The following DNM3 variants were observed in gnomAD, a reference collection of about 807,000 sequenced individuals.
DNM3 encodes the protein dynamin 3.
Under a neutral mutation model 101.6 loss-of-function variants are expected in DNM3, and 47 were observed. The observed-to-expected ratio is 0.46, with a 90% CI of 0.37 to 0.59. The LOEUF is 0.59. DNM3 is among the 20% of genes least tolerant of loss of function. DNM3 has a pLI of 0.00. For synonymous variants in DNM3, 385 were observed against 387.9 expected, an observed-to-expected ratio of 0.99 and a Z score of 0.09; for missense variants, 849 against 1,085.7, an observed-to-expected ratio of 0.78 and a Z score of 3.06.
At chr1:171,871,943 ATT>A (rs66674481) in intron 1 of DNM3, among the ~76,000 whole-genome samples, 105 of 141,794 alleles carry the variant, frequency 7.4e-4, no homozygotes, top group African/African-American at 2.1e-3. Flanking sequence ...AGAGGTAGTA[ATT>A]TTTTTTTTTT....
At chr1:172,141,470 G>T (rs1327570489) in intron 14 of DNM3, among the ~76,000 whole-genome samples, 1 of 152,074 alleles carries the variant, frequency 6.6e-6, no homozygotes, top group Non-Finnish European at 1.5e-5. Context: ...TGTTTATAAA[G>T]AGCAGATCCC....
At chr1:172,384,226 G>A (rs554587479) in intron 18 of DNM3, among the ~76,000 whole-genome samples, 6 of 152,198 alleles carry the variant, frequency 3.9e-5, no homozygotes, top group Admixed American at 3.3e-4. Flanking sequence ...TTGCTTAAAT[G>A]CAAAATAAAA....
chr1:171,867,893 A>G (rs982539235), intron 1 of DNM3, among the ~76,000 whole-genome samples: 1 of 152,180 alleles, frequency 6.6e-6, no homozygotes, highest in African/African-American at 2.4e-5. Context: ...ATATACAGCT[A>G]AGAAAGAAAA....
chr1:172,276,557 A>ATGTGTGTGTGTGTGTGTGTGTGTG (rs60837783), intron 15 of DNM3, among the ~76,000 whole-genome samples: 14 of 144,366 alleles, frequency 9.7e-5, no homozygotes, highest in African/African-American at 3.3e-4. Flanking sequence ...AAAAATCTTA[A>ATGTGTGTGTGTGTGTGTGTGTGTG]TGTGTGTGTG....
intron 2 of DNM3, among the ~76,000 whole-genome samples, chr1:171,952,249 A>G (rs1269904623): frequency 6.6e-6 from 1 of 152,220 alleles, no homozygotes; most frequent in Non-Finnish European, 1.5e-5. Context: ...ATTATCTGCA[A>G]ATGCAAACTT....
At chr1:172,244,733 A>T (rs576076347) in intron 14 of DNM3, among the ~76,000 whole-genome samples, 32 of 152,264 alleles carry the variant, frequency 2.1e-4, no homozygotes, top group African/African-American at 7.5e-4. Flanking sequence ...GTGGAGAAAT[A>T]GGAACACTTT....
rs572721614 is a variant in DNM3 at position 171,955,493 on chromosome 1, G to C, written c.236-32163G>C. Among the ~76,000 whole-genome samples the C allele has an allele frequency of 2.6e-5, 4 of 152,256 alleles. No homozygotes were observed. The South Asian group carries it at 8.3e-4, about 32-fold the overall frequency. The stretch of plus-strand genomic sequence containing the variant: ...ATAGTTTTGGCCCATAGACCAGAAG[G>C]GGAGTCAAAGACTTAAATGGTACAA... On this transcript the variant is annotated intron_variant, in intron 2 of 20. Transcript: ENST00000627582.
At chr1:172,000,506 AG>A (rs1465064616) in intron 4 of DNM3, among the ~76,000 whole-genome samples, 1 of 152,108 alleles carries the variant, frequency 6.6e-6, no homozygotes, top group Non-Finnish European at 1.5e-5. Context: ...GGAGCCAGGA[AG>A]ATGCTGAGAA....
intron 14 of DNM3, among the ~76,000 whole-genome samples, chr1:172,166,736 A>ATT (rs11407187): frequency 4.0e-5 from 6 of 151,752 alleles, no homozygotes; most frequent in South Asian, 4.2e-4. Context: ...TTTTAATCTC[A>ATT]TTTTTTTATC....
chr1:171,942,747 C>T (rs550891891), intron 2 of DNM3, among the ~76,000 whole-genome samples: 7 of 152,234 alleles, frequency 4.6e-5, no homozygotes, highest in African/African-American at 1.4e-4. Context: ...TTGTATGTCA[C>T]TAAGTCTTCC....
At chr1:172,002,914 C>T (rs755235243) in intron 4 of DNM3, among the ~76,000 whole-genome samples, 4 of 151,922 alleles carry the variant, frequency 2.6e-5, no homozygotes, top group African/African-American at 7.2e-5. Context: ...ATTTCTAATG[C>T]GTTCATTCCT....
intron 19 of DNM3, among the ~76,000 whole-genome samples, chr1:172,387,584 G>A (rs1009182237): frequency 1.3e-5 from 2 of 151,290 alleles, no homozygotes; most frequent in Non-Finnish European, 3.0e-5. Context: ...GTGTGAACCC[G>A]GGAGGCAGAG....
Position 172,260,940 on chromosome 1 carries a change from C to T in DNM3, c.1769+7258C>T, listed in dbSNP as rs915418280. Among the ~76,000 whole-genome samples, 3 of 151,212 alleles carry T rather than the reference C, an allele frequency of 2.0e-5. No individual in the cohort carries two copies. The East Asian group carries it at 5.9e-4, about 30-fold the overall frequency. ...TAATGAATTTCCCCTCCCTCCCTTT[C>T]TTCCTTCCTCTCCTTCCTTCCTTCC... On this transcript the variant is annotated intron_variant, in intron 15 of 20. Transcript: ENST00000627582.
chr1:172,140,784 A>C (rs1475720914), intron 14 of DNM3, among the ~76,000 whole-genome samples: 2 of 151,986 alleles, frequency 1.3e-5, no homozygotes, highest in Non-Finnish European at 2.9e-5. Flanking sequence ...TGTTTCTGAT[A>C]GATTTTTAAA....
At chr1:172,119,775 ACT>A (rs559382868) in intron 13 of DNM3, among the ~76,000 whole-genome samples, 132 of 151,736 alleles carry the variant, frequency 8.7e-4, no homozygotes, top group African/African-American at 2.5e-3. Flanking sequence ...TAGTCCTCCT[ACT>A]CTCTGTCCAT....
chr1:172,379,447 C>T (rs908607217), intron 18 of DNM3, among the ~76,000 whole-genome samples: 13 of 151,974 alleles, frequency 8.6e-5, no homozygotes, highest in Admixed American at 3.9e-4. Flanking sequence ...TAAAGCAAAA[C>T]AAAAACACCA....
chr1:172,380,342 C>A (rs1386057459), intron 18 of DNM3, among the ~76,000 whole-genome samples: 1 of 151,958 alleles, frequency 6.6e-6, no homozygotes, highest in African/African-American at 2.4e-5. Context: ...TGGTTAATTT[C>A]AAAATTTTAT....
intron 13 of DNM3, among the ~76,000 whole-genome samples, chr1:172,117,438 C>T (rs767170868): frequency 9.9e-5 from 15 of 152,090 alleles, no homozygotes; most frequent in Admixed American, 2.6e-4. Flanking sequence ...CAGTCTTTCC[C>T]GTCCTATTCT....
intron 9 of DNM3, among the ~76,000 whole-genome samples, chr1:172,047,199 T>C (rs2049881795): frequency 6.6e-6 from 1 of 152,174 alleles, no homozygotes; most frequent in African/African-American, 2.4e-5. Context: ...AGAGATGCTT[T>C]GTTTTTCTTC....
Sources: gnomAD v4.1 joint callset for allele counts (sites outside exome capture counted in the v4.1 genomes callset) on GRCh38, gnomAD v4.1.1 for gene constraint, MANE v1.5 for transcripts, NCBI Gene and HGNC (gene_info 2026-07-23, HGNC 2026-07-21) for gene names.